The following SAFB variants were observed in gnomAD, a reference collection of about 807,000 sequenced individuals.
The protein encoded by SAFB is scaffold attachment factor B.
In SAFB, 15 loss-of-function variants were observed where a neutral mutation model predicts 101.6. The ratio of observed to expected loss-of-function variants is 0.15; its 90% CI spans 0.10 to 0.23. The LOEUF (loss-of-function observed/expected upper bound fraction) is 0.23. Among genes scored for constraint, SAFB ranks in the 10% least tolerant of loss-of-function variants. The pLI, the probability that SAFB is intolerant of heterozygous loss-of-function variation, is 1.00. For synonymous variants in SAFB, 449 were observed against 407.5 expected, an observed-to-expected ratio of 1.10 and a Z score of -1.23; for missense variants, 930 against 1,104.1, an observed-to-expected ratio of 0.84 and a Z score of 2.23.
At chr19:5,660,811 A>G (rs1335063016) in intron 14 of SAFB, among the ~76,000 whole-genome samples, 3 of 151,682 alleles carry the variant, frequency 2.0e-5, no homozygotes, top group Non-Finnish European at 4.4e-5. Context: ...CAAAAGATAC[A>G]GCTGCTAATG....
intron 2 of SAFB, among the ~76,000 whole-genome samples, chr19:5,629,523 A>G (rs1258104613): frequency 6.6e-6 from 1 of 152,196 alleles, no homozygotes; most frequent in Non-Finnish European, 1.5e-5. Flanking sequence ...ACTGTTTTTT[A>G]ACAGGCTAAT....
In SAFB at chr19:5,638,051, A is replaced by G. The variant is rs143265291; in HGVS notation, c.275-3543A>G. Among the ~76,000 whole-genome samples the G allele has an allele frequency of 5.5e-3, 831 of 152,194 alleles. 6 individuals are homozygous for G. Among genetic ancestry groups the G allele is most frequent in the African/African-American group, 0.019 (801 of 41,502 alleles). On this transcript the variant is annotated intron_variant, in intron 2 of 20. Transcript: ENST00000588852. ...CTGGTATCATCGTTTACATTTTTCT[A>G]TTCTCTACTCATTTTATCATTTGTA...
chr19:5,654,040 C>T, intron 11 of SAFB, 21 bp from the exon 12 acceptor site: 1 of 1,613,180 alleles, frequency 6.2e-7, no homozygotes, highest in Non-Finnish European at 8.5e-7. Flanking sequence ...CACGCCCAGC[C>T]AACATGTCTG....
intron 14 of SAFB, among the ~76,000 whole-genome samples, chr19:5,660,704 C>CAA (rs60011056): frequency 3.4e-4 from 26 of 76,550 alleles, no homozygotes; most frequent in Middle Eastern, 6.6e-3. Context: ...CCATCTCTAC[C>CAA]AAAAAAAAAA....
intron 14 of SAFB, among the ~76,000 whole-genome samples, chr19:5,659,999 A>G (rs893862628): frequency 1.3e-5 from 2 of 152,226 alleles, no homozygotes; most frequent in African/African-American, 4.8e-5. Context: ...TGAGATCCAC[A>G]GAGGCAGGTG....
intron 5 of SAFB, among the ~76,000 whole-genome samples, chr19:5,645,751 G>A (rs572633219): frequency 7.9e-5 from 12 of 152,336 alleles, no homozygotes; most frequent in Admixed American, 7.2e-4. Context: ...TGATGAGACA[G>A]CAAGAGGGCA....
chr19:5,667,214 G>A lies in SAFB; in HGVS notation c.2453+50G>A. 1 of 1,292,412 alleles carries A rather than the reference G, an allele frequency of 7.7e-7. No individual in the cohort carries two copies. The highest frequency in any genetic ancestry group is 1.1e-6 in the Non-Finnish European group (1 of 929,066). The allele number at this position is 1,292,412 out of a possible 1,614,324, so 80.1% of individuals were successfully genotyped here. ...CCTGACCCCCCCCCCGCCCACAAGG[G>A]GGCCCGCAAGTCGCTGGGATGTGGG... On this transcript the variant is annotated intron_variant, in intron 18 of 20. Transcript: ENST00000588852. This position sits in a 1 kb window ranked among gnomAD's most constrained non-coding sequence, Gnocchi z 4.0.
chr19:5,626,966 C>A (rs2053378995), intron 2 of SAFB, among the ~76,000 whole-genome samples: 1 of 151,972 alleles, frequency 6.6e-6, no homozygotes, highest in Non-Finnish European at 1.5e-5. Context: ...ATTACTTGAC[C>A]CCAGGAGGTT....
intron 2 of SAFB, 75 bp from the exon 3 acceptor site, chr19:5,641,519 G>A (rs530201930): frequency 5.0e-4 from 585 of 1,172,794 alleles, no homozygotes; most frequent in Non-Finnish European, 6.9e-4. Context: ...GACCACTTGT[G>A]TAGTGCTCAG....
At chr19:5,636,600 C>T (rs1399792929) in intron 2 of SAFB, among the ~76,000 whole-genome samples, 2 of 152,042 alleles carry the variant, frequency 1.3e-5, no homozygotes, top group African/African-American at 4.8e-5. Context: ...AATTACAGTA[C>T]AAATAATTAG....
rs1213012636 is a variant in SAFB, at chr19:5,667,084, C to T, written c.2373C>T (p.Gly791=). Residue 791 remains glycine (G), a synonymous_variant, in exon 18 of 21, where the codon GGC becomes GGT. Transcript: ENST00000588852. This position sits in a 1 kb window ranked among gnomAD's most constrained non-coding sequence, Gnocchi z 4.0. ...PERHGGPERH[G]RDSRDGWGGY... is the part of the protein sequence containing the mutation. ...GCCATGGAGGACCAGAGCGCCACGG[C>T]CGGGACTCCCGCGATGGCTGGGGGG... is the stretch of plus-strand genomic sequence containing the variant. The T allele has an allele frequency of 6.2e-7, 1 of 1,612,616 alleles. No individual in the cohort carries two copies. Among genetic ancestry groups the T allele is most frequent in the Admixed American group, 1.7e-5 (1 of 60,024 alleles).
chr19:5,631,032 A>C (rs147826740), intron 2 of SAFB, among the ~76,000 whole-genome samples: 34 of 152,084 alleles, frequency 2.2e-4, no homozygotes, highest in African/African-American at 7.0e-4. Context: ...TCTACTAAAA[A>C]TACAAAAATT....
intron 13 of SAFB, 152 bp from the exon 14 acceptor site, chr19:5,657,089 G>C: frequency 1.7e-6 from 1 of 591,640 alleles, no homozygotes; most frequent in Non-Finnish European, 3.0e-6. Context: ...ATTTTTAGTA[G>C]AGTCAAGGTT....
chr19:5,641,198 T>G (rs1173645101), intron 2 of SAFB, among the ~76,000 whole-genome samples: 1 of 152,192 alleles, frequency 6.6e-6, no homozygotes, highest in East Asian at 1.9e-4. Context: ...GCATTAAAAA[T>G]GTGCATACTC....
rs1334212581 is a variant in SAFB at position 5,667,271 on chromosome 19, TCC to T, written c.2454-75_2454-74del. The stretch of plus-strand genomic sequence containing the variant: ...GTGGGAAACACAGAGGGATTCACTC[TCC>T]AGAAGCCGCCACAGTTATTAGCACA... On this transcript the variant is annotated intron_variant, in intron 18 of 20. Transcript: ENST00000588852. This position sits in a 1 kb window ranked among gnomAD's most constrained non-coding sequence, Gnocchi z 4.0. The T allele has an allele frequency of 2.0e-5, 26 of 1,310,322 alleles. No individual in the cohort carries two copies. Among genetic ancestry groups the T allele is most frequent in the Non-Finnish European group, 2.6e-5 (25 of 966,376 alleles). The allele number at this position is 1,310,322 out of a possible 1,614,324, so 81.2% of individuals were successfully genotyped here. A position where few individuals can be genotyped will look rare whatever the true frequency, so the allele number is the denominator to read the frequency against.
At chr19:5,666,833 T>A in intron 17 of SAFB, 1 of 647,802 alleles carries the variant, frequency 1.5e-6, no homozygotes, top group Non-Finnish European at 2.8e-6. Context: ...TTGGTACTAG[T>A]ACCTTTTTTG....
intron 4 of SAFB, among the ~76,000 whole-genome samples, chr19:5,642,569 CAT>C (rs1432415231): frequency 6.8e-6 from 1 of 147,874 alleles, no homozygotes; most frequent in African/African-American, 2.5e-5. Flanking sequence ...CTGTTAGAAA[CAT>C]ATCAAATGGA....
At chr19:5,626,367 G>A in intron 1 of SAFB, 38 bp from the exon 2 acceptor site, 1 of 1,231,384 alleles carries the variant, frequency 8.1e-7, no homozygotes, top group Non-Finnish European at 1.2e-6. Flanking sequence ...TGTGTGAGCT[G>A]ACTTTTTGGA....
chr19:5,661,899 T>G (rs1170481541), intron 15 of SAFB, 91 bp downstream of exon 15: 25 of 1,020,504 alleles, frequency 2.4e-5, no homozygotes, highest in Non-Finnish European at 3.5e-5. Flanking sequence ...TTTTTTTTTT[T>G]TTTGAGACGG....
Sources: gnomAD v4.1 joint callset for allele counts (sites outside exome capture counted in the v4.1 genomes callset) on GRCh38, gnomAD v4.1.1 for gene constraint, Gnocchi (gnomAD v3.1) non-coding constraint, MANE v1.5 for transcripts, NCBI Gene and HGNC (gene_info 2026-07-23, HGNC 2026-07-21) for gene names.